RIMS2: variants seen among roughly 807,000 people sequenced by gnomAD.
The protein encoded by RIMS2 is regulating synaptic membrane exocytosis 2, also known as regulating synaptic membrane exocytosis protein 2.
Under a neutral mutation model 174.4 loss-of-function variants are expected in RIMS2, and 59 were observed. The observed-to-expected ratio is 0.34, with a 90% CI of 0.27 to 0.42. The LOEUF is 0.42. RIMS2 is among the 10% of genes least tolerant of loss of function. The probability of loss-of-function intolerance (pLI) is 1.00; values close to 1 mark genes in which losing one functional copy is unlikely to be tolerated. For synonymous variants in RIMS2, 606 were observed against 572.5 expected (o/e 1.06, Z -0.84); for missense variants, 1,620 against 1,666.3 (o/e 0.97, Z 0.48).
chr8:103,954,889 T>C (rs976720392), intron 14 of RIMS2, among the ~76,000 whole-genome samples: 1 of 151,890 alleles, frequency 6.6e-6, no homozygotes, highest in Non-Finnish European at 1.5e-5. Context: ...AAGAATAAAA[T>C]AGATGCAGTA....
At chr8:104,235,791 T>A (rs550396550) in intron 19 of RIMS2, among the ~76,000 whole-genome samples, 1 of 152,164 alleles carries the variant, frequency 6.6e-6, no homozygotes, top group East Asian at 1.9e-4. Context: ...CTCAAATTTT[T>A]AAAAAAATAT....
At chr8:104,152,393 T>A (rs997524144) in intron 19 of RIMS2, among the ~76,000 whole-genome samples, 46 of 152,206 alleles carry the variant, frequency 3.0e-4, no homozygotes, top group Non-Finnish European at 5.9e-4. Flanking sequence ...TCTCTCATTT[T>A]AAAGCCCAAG....
chr8:104,103,792 A>AAATAATTAAAT (rs1169679287), intron 19 of RIMS2, among the ~76,000 whole-genome samples: 1 of 152,166 alleles, frequency 6.6e-6, no homozygotes, highest in African/African-American at 2.4e-5. Flanking sequence ...ATTAATAATT[A>AAATAATTAAAT]AATATATTAT....
At chr8:103,674,697 T>G (rs964074006) in intron 1 of RIMS2, among the ~76,000 whole-genome samples, 2 of 152,088 alleles carry the variant, frequency 1.3e-5, no homozygotes, top group African/African-American at 4.8e-5. Flanking sequence ...TAACTATAAT[T>G]TTAACTCTTA....
intron 14 of RIMS2, among the ~76,000 whole-genome samples, chr8:103,957,413 G>T (rs2087765316): frequency 6.6e-6 from 1 of 152,200 alleles, no homozygotes; most frequent in Non-Finnish European, 1.5e-5. Flanking sequence ...ACACACCATG[G>T]AATACTATGC....
At chr8:103,869,095 G>T (rs1299861863) in intron 3 of RIMS2, among the ~76,000 whole-genome samples, 4 of 151,974 alleles carry the variant, frequency 2.6e-5, no homozygotes. Context: ...CATGTATGAG[G>T]AGTGTTCACA....
At chr8:103,871,642 C>T (rs1039371805) in intron 3 of RIMS2, among the ~76,000 whole-genome samples, 24 of 151,900 alleles carry the variant, frequency 1.6e-4, no homozygotes, top group Non-Finnish European at 2.9e-5. Flanking sequence ...TTTTTTAATG[C>T]TCTGACGTGT....
intron 1 of RIMS2, among the ~76,000 whole-genome samples, chr8:103,579,682 C>G (rs1323767702): frequency 2.0e-5 from 3 of 152,050 alleles, no homozygotes; most frequent in Non-Finnish European, 4.4e-5. Context: ...TCATGGTAAC[C>G]ACAATGCCAA....
chr8:104,075,898 C>T (rs11991639), intron 19 of RIMS2, among the ~76,000 whole-genome samples: 35,732 of 152,114 alleles, frequency 0.23, 4,501 homozygotes, highest in African/African-American at 0.33. Context: ...GACCAAGTAT[C>T]GCACACTTTT....
intron 2 of RIMS2, among the ~76,000 whole-genome samples, chr8:103,713,709 A>C (rs1440650162): frequency 6.6e-6 from 1 of 152,136 alleles, no homozygotes; most frequent in Non-Finnish European, 1.5e-5. Flanking sequence ...TGTAAAATGC[A>C]GATTTGATTA....
intron 2 of RIMS2, among the ~76,000 whole-genome samples, chr8:103,737,740 G>A (rs890026802): frequency 6.6e-6 from 1 of 151,970 alleles, no homozygotes; most frequent in African/African-American, 2.4e-5. Context: ...CTACCTAAAG[G>A]CATTTACATA....
intron 3 of RIMS2, among the ~76,000 whole-genome samples, chr8:103,817,117 A>G (rs2098722688): frequency 6.6e-6 from 1 of 152,234 alleles, no homozygotes; most frequent in Non-Finnish European, 1.5e-5. Context: ...TGACCTTTCA[A>G]AGGTGTGAAA....
At chr8:104,159,607 T>C (rs2098748262) in intron 19 of RIMS2, among the ~76,000 whole-genome samples, 1 of 152,162 alleles carries the variant, frequency 6.6e-6, no homozygotes, top group Admixed American at 6.5e-5. Context: ...TGGTTTCTGA[T>C]AATAGCCATT....
At chr8:103,919,050 C>T (rs1172692501) in intron 9 of RIMS2, among the ~76,000 whole-genome samples, 1 of 152,060 alleles carries the variant, frequency 6.6e-6, no homozygotes, top group Non-Finnish European at 1.5e-5. Flanking sequence ...TCAAATTTAT[C>T]TATAATTTAA....
chr8:103,608,715 C>T lies in RIMS2; in HGVS notation c.177-88371C>T, dbSNP rs370505859. Among the ~76,000 whole-genome samples, 109 of 152,204 alleles carry T rather than the reference C, an allele frequency of 7.2e-4. No homozygotes were observed. In the East Asian group the frequency reaches 0.014, roughly 19 times the overall value. On this transcript the variant is annotated intron_variant, in intron 1 of 23. Coordinates refer to ENST00000504942, the Ensembl canonical transcript of RIMS2. The stretch of plus-strand genomic sequence containing the variant: ...ATGGTGCGCCGTTTTTTAAGCCCTT[C>T]AGAAAAGCGCAGTATTCGGGTGGGA...
At chr8:103,506,278 G>A (rs1823562600) in intron 1 of RIMS2, among the ~76,000 whole-genome samples, 1 of 151,882 alleles carries the variant, frequency 6.6e-6, no homozygotes, top group Non-Finnish European at 1.5e-5. Context: ...TTGAAATAAG[G>A]GCAATTAAAT....
At chr8:103,848,191 T>C (rs1225357767) in intron 3 of RIMS2, among the ~76,000 whole-genome samples, 2 of 152,088 alleles carry the variant, frequency 1.3e-5, no homozygotes, top group Non-Finnish European at 2.9e-5. Context: ...GGTTGTGAAC[T>C]GAAACTCCAC....
At chr8:103,529,428 T>C (rs187451073) in intron 1 of RIMS2, among the ~76,000 whole-genome samples, 1 of 152,194 alleles carries the variant, frequency 6.6e-6, no homozygotes, top group Non-Finnish European at 1.5e-5. Context: ...CTCCGAGCCA[T>C]GCGCGGGATA....
intron 3 of RIMS2, among the ~76,000 whole-genome samples, chr8:103,850,226 G>A (rs187437783): frequency 2.6e-4 from 39 of 151,944 alleles, no homozygotes; most frequent in African/African-American, 7.5e-4. Context: ...ACATATGACC[G>A]TATATTACAC....
Sources: gnomAD v4.1 joint callset for allele counts (sites outside exome capture counted in the v4.1 genomes callset) on GRCh38, gnomAD v4.1.1 for gene constraint, MANE v1.5 for transcripts, NCBI Gene and HGNC (gene_info 2026-07-23, HGNC 2026-07-21) for gene names.